The following ERBB4 variants were observed in gnomAD, a reference collection of about 807,000 sequenced individuals.
ERBB4 encodes the protein erb-b2 receptor tyrosine kinase 4.
A neutral mutation model predicts 158.0 loss-of-function variants in ERBB4; 42 were observed. That is an observed-to-expected ratio of 0.27 (90% CI 0.21 to 0.34). The LOEUF is 0.34. ERBB4 is among the 10% of genes least tolerant of loss of function. The probability of loss-of-function intolerance (pLI) is 1.00; values close to 1 mark genes in which losing one functional copy is unlikely to be tolerated. For synonymous variants in ERBB4, 583 were observed against 558.7 expected, an observed-to-expected ratio of 1.04 and a Z score of -0.61; for missense variants, 1,333 against 1,624.1, an observed-to-expected ratio of 0.82 and a Z score of 3.08.
intron 2 of ERBB4, among the ~76,000 whole-genome samples, chr2:212,065,000 T>C (rs1283839286): frequency 1.3e-5 from 2 of 149,840 alleles, no homozygotes; most frequent in Non-Finnish European, 1.5e-5. Flanking sequence ...TGTGTGTGTG[T>C]GTGTGTGTGT....
At chr2:211,433,566 G>T (rs1389393514) in intron 20 of ERBB4, among the ~76,000 whole-genome samples, 1 of 149,428 alleles carries the variant, frequency 6.7e-6, no homozygotes, top group Non-Finnish European at 1.5e-5. Flanking sequence ...GGGCAACAGA[G>T]TGAGACTCTC....
chr2:211,684,740 A>C (rs549850850), intron 12 of ERBB4, among the ~76,000 whole-genome samples: 3 of 152,304 alleles, frequency 2.0e-5, no homozygotes, highest in African/African-American at 7.2e-5. Context: ...GAAGGACCCC[A>C]CTGATGCCAA....
chr2:211,671,023 A>G (rs2071817533), intron 14 of ERBB4, among the ~76,000 whole-genome samples: 1 of 152,120 alleles, frequency 6.6e-6, no homozygotes, highest in African/African-American at 2.4e-5. Flanking sequence ...AGAAAAAAAT[A>G]TGGTGTCTTA....
At chr2:211,561,879 C>T in intron 20 of ERBB4, 24 bp downstream of exon 20, 3 of 1,602,772 alleles carry the variant, frequency 1.9e-6, no homozygotes, top group Non-Finnish European at 2.6e-6. Context: ...AATGTAATTT[C>T]CATAGAAATT....
intron 1 of ERBB4, among the ~76,000 whole-genome samples, chr2:212,382,956 T>C (rs902491280): frequency 6.6e-6 from 1 of 151,330 alleles, no homozygotes; most frequent in Non-Finnish European, 1.5e-5. Context: ...TGTCTCTTTC[T>C]GTGAACAAGT....
chr2:211,475,367 C>T (rs532798414), intron 20 of ERBB4, among the ~76,000 whole-genome samples: 47 of 152,118 alleles, frequency 3.1e-4, no homozygotes, highest in African/African-American at 1.0e-3. Context: ...ACAATAATGT[C>T]GGCCTCACAG....
chr2:212,342,365 A>G (rs764914829), intron 1 of ERBB4, among the ~76,000 whole-genome samples: 19 of 152,218 alleles, frequency 1.2e-4, no homozygotes, highest in Non-Finnish European at 2.1e-4. Flanking sequence ...ATGAAAGTGA[A>G]TAAGTCTCAT....
chr2:211,733,829 C>T (rs1484216946), intron 5 of ERBB4, among the ~76,000 whole-genome samples: 4 of 151,368 alleles, frequency 2.6e-5, no homozygotes, highest in Non-Finnish European at 5.9e-5. Context: ...CACCTATACA[C>T]CTAGCATTTG....
chr2:212,191,676 G>A (rs1367133264), intron 1 of ERBB4, among the ~76,000 whole-genome samples: 2 of 125,944 alleles, frequency 1.6e-5, no homozygotes, highest in African/African-American at 6.2e-5. Flanking sequence ...CATATATCGC[G>A]TGTGTTATAC....
chr2:211,502,277 A>G (rs2065636505), intron 20 of ERBB4, among the ~76,000 whole-genome samples: 1 of 152,166 alleles, frequency 6.6e-6, no homozygotes, highest in Non-Finnish European at 1.5e-5. Flanking sequence ...TTTGGGAAGA[A>G]GATATCATTT....
At chr2:211,937,296 C>G (rs1454767764) in intron 3 of ERBB4, among the ~76,000 whole-genome samples, 2 of 151,946 alleles carry the variant, frequency 1.3e-5, no homozygotes, top group Non-Finnish European at 2.9e-5. Flanking sequence ...TTCGTGTTAC[C>G]TTGTTATTAA....
intron 6 of ERBB4, among the ~76,000 whole-genome samples, chr2:211,723,331 A>T (rs2074163858): frequency 6.6e-6 from 1 of 152,210 alleles, no homozygotes; most frequent in Non-Finnish European, 1.5e-5. Flanking sequence ...AGTACATATA[A>T]ACATGTGATT....
chr2:211,818,771 CCACAATGAAGACAGATTCTGTG>C (rs2076929671), intron 3 of ERBB4, among the ~76,000 whole-genome samples: 4 of 151,850 alleles, frequency 2.6e-5, no homozygotes, highest in Non-Finnish European at 5.9e-5. Flanking sequence ...TTCCACAGGT[CCACAATGAAGACAGATTCTGTG>C]AGGAATGATA....
At chr2:211,845,290 T>C (rs1053486046) in intron 3 of ERBB4, among the ~76,000 whole-genome samples, 4 of 150,578 alleles carry the variant, frequency 2.7e-5, no homozygotes, top group Admixed American at 1.3e-4. Context: ...CACATCAGAA[T>C]TGGTAAAAGC....
At chr2:211,886,727 G>A (rs568164257) in intron 3 of ERBB4, among the ~76,000 whole-genome samples, 6 of 152,284 alleles carry the variant, frequency 3.9e-5, no homozygotes, top group African/African-American at 1.4e-4. Flanking sequence ...AATTGAAGAG[G>A]TCTAAACTTA....
At chr2:212,355,814 G>A (rs984753451) in intron 1 of ERBB4, among the ~76,000 whole-genome samples, 12 of 151,882 alleles carry the variant, frequency 7.9e-5, no homozygotes, top group Non-Finnish European at 1.3e-4. Context: ...GTGTGTATGT[G>A]TGAGTGTGTA....
rs532926121 is a variant in ERBB4, at chr2:211,779,901, ATATGTCTC to A, written c.556+8116_556+8123del. On this transcript the variant is annotated intron_variant, in intron 4 of 27. Transcript: ENST00000342788. ...AGAGTTAATTTATAGGCTAAACCCT[ATATGTCTC>A]AATGGCTCATCCAGTTCAATTAGGC... is the stretch of plus-strand genomic sequence containing the variant. The A allele has an allele frequency of 6.2e-4, 94 of 152,312 alleles. 1 individual carries two copies. The highest frequency in any genetic ancestry group is 2.2e-3 in the African/African-American group (90 of 41,562). The allele number at this position is 152,312 out of a possible 1,614,324, so 9.4% of individuals were successfully genotyped here. A position where few individuals can be genotyped will look rare whatever the true frequency, so the allele number is the denominator to read the frequency against.
intron 20 of ERBB4, among the ~76,000 whole-genome samples, chr2:211,457,887 C>T (rs141791754): frequency 2.0e-5 from 3 of 152,102 alleles, no homozygotes; most frequent in Non-Finnish European, 2.9e-5. Flanking sequence ...TTAGAGGAAC[C>T]GCTGGTCCAC....
rs1186124932 is a variant in ERBB4, at chr2:212,371,951, A to G, written c.82+166498T>C. 8.5e-5 allele frequency among the ~76,000 whole-genome samples: 13 copies of G among 152,202 alleles called. No individual in the cohort carries two copies. The East Asian group carries it at 2.5e-3, about 29-fold the overall frequency. ...CTCATTTTACTATAAATATTTTTCT[A>G]CTTTGTAAAGATGGCAATAGTATAT... is the stretch of plus-strand genomic sequence containing the variant. On this transcript the variant is annotated intron_variant, in intron 1 of 27. Coordinates refer to ENST00000342788, the MANE Select transcript of ERBB4 (RefSeq NM_005235.3).
Sources: allele counts gnomAD v4.1 joint callset (sites outside exome capture counted in the v4.1 genomes callset), GRCh38; gene constraint gnomAD v4.1.1; transcripts MANE v1.5; gene names NCBI Gene and HGNC (gene_info 2026-07-23, HGNC 2026-07-21).